Variants in DCC observed in about 807,000 individuals in gnomAD.
The protein encoded by DCC is DCC netrin 1 receptor, also known as netrin receptor DCC.
Under a neutral mutation model 172.5 loss-of-function variants are expected in DCC, and 58 were observed. The ratio of observed to expected loss-of-function variants is 0.34; its 90% confidence interval spans 0.27 to 0.42. The LOEUF is 0.42. DCC is among the 10% of genes least tolerant of loss of function. The pLI is 1.00. For missense variants in DCC, 1,740 were observed against 1,791.0 expected, an observed-to-expected ratio of 0.97 and a Z score of 0.51; for synonymous variants, 709 against 644.5, an observed-to-expected ratio of 1.10 and a Z score of -1.52.
At chr18:52,635,982 C>T (rs1336682755) in intron 1 of DCC, among the ~76,000 whole-genome samples, 1 of 152,196 alleles carries the variant, frequency 6.6e-6, no homozygotes, top group Non-Finnish European at 1.5e-5. Context: ...AAGTGGACTG[C>T]TCCTGCAGGA....
chr18:52,898,117 C>T (rs1053405859), intron 2 of DCC, among the ~76,000 whole-genome samples: 1 of 152,232 alleles, frequency 6.6e-6, no homozygotes, highest in Non-Finnish European at 1.5e-5. Flanking sequence ...AAAGCATTTA[C>T]AGCCGCTCTC....
chr18:53,169,888 T>A (rs1003864065), intron 8 of DCC, among the ~76,000 whole-genome samples: 1 of 152,180 alleles, frequency 6.6e-6, no homozygotes, highest in Admixed American at 6.5e-5. Flanking sequence ...TACTGCTTCA[T>A]GGAAAATTTA....
chr18:53,524,063 A>G (rs951524355), intron 27 of DCC, among the ~76,000 whole-genome samples: 1 of 152,092 alleles, frequency 6.6e-6, no homozygotes, highest in African/African-American at 2.4e-5. Flanking sequence ...CAAGAGATCC[A>G]TTGTATATTG....
intron 7 of DCC, among the ~76,000 whole-genome samples, chr18:53,075,661 T>C (rs1051799600): frequency 1.3e-5 from 2 of 152,142 alleles, no homozygotes; most frequent in Non-Finnish European, 2.9e-5. Flanking sequence ...ATCTTTCACC[T>C]GTATATCACC....
At chr18:52,830,595 T>C (rs2038596429) in intron 2 of DCC, among the ~76,000 whole-genome samples, 1 of 152,194 alleles carries the variant, frequency 6.6e-6, no homozygotes, top group Admixed American at 6.5e-5. Context: ...TACCTATTAC[T>C]AGACTATCTG....
At chr18:53,404,648 A>G (rs1289477886) in intron 19 of DCC, among the ~76,000 whole-genome samples, 2 of 152,004 alleles carry the variant, frequency 1.3e-5, no homozygotes, top group Non-Finnish European at 2.9e-5. Context: ...GGAGAATAGC[A>G]TGAACCCACG....
intron 1 of DCC, among the ~76,000 whole-genome samples, chr18:52,531,786 T>C (rs1227374126): frequency 2.0e-5 from 3 of 152,208 alleles, no homozygotes; most frequent in African/African-American, 7.2e-5. Context: ...TGTTACCTAT[T>C]GTCATTACTT....
intron 2 of DCC, among the ~76,000 whole-genome samples, chr18:52,786,249 C>T (rs186352491): frequency 1.3e-5 from 2 of 151,554 alleles, no homozygotes; most frequent in Non-Finnish European, 2.9e-5. Flanking sequence ...AGGATAATTG[C>T]TCAGAACTAG....
At chr18:52,705,939 G>T (rs903028416) in intron 1 of DCC, among the ~76,000 whole-genome samples, 2 of 152,184 alleles carry the variant, frequency 1.3e-5, no homozygotes, top group Non-Finnish European at 2.9e-5. Flanking sequence ...ATGTCTGTAT[G>T]TTCAAATTCA....
At chr18:53,092,126 A>T (rs1215095780) in intron 7 of DCC, among the ~76,000 whole-genome samples, 1 of 152,092 alleles carries the variant, frequency 6.6e-6, no homozygotes, top group African/African-American at 2.4e-5. Context: ...ACATAAATTG[A>T]CTTCTTAGGC....
intron 2 of DCC, among the ~76,000 whole-genome samples, chr18:52,897,727 C>T (rs956698983): frequency 3.9e-5 from 6 of 152,024 alleles, no homozygotes; most frequent in Admixed American, 6.6e-5. Context: ...GGGTGAACAT[C>T]GCTGGCACTT....
intron 2 of DCC, among the ~76,000 whole-genome samples, chr18:52,901,777 C>T (rs2039811831): frequency 6.6e-6 from 1 of 152,170 alleles, no homozygotes; most frequent in African/African-American, 2.4e-5. Flanking sequence ...CATTTAGAGT[C>T]ACATAGAACC....
rs1414839280 is a variant in DCC, at chr18:53,526,203, T to TA, written c.4112-412dup. On this transcript the variant is annotated intron_variant, in intron 27 of 28. Coordinates refer to ENST00000442544, the MANE Select transcript of DCC (RefSeq NM_005215.4). ...TGTAGACCAGAGCAACCATCTCTTC[T>TA]AACTCTGCAAATCTTCCTTGGTTCT... Among the ~76,000 whole-genome samples, 10 of 152,296 alleles carry TA rather than the reference T, an allele frequency of 6.6e-5. No homozygotes were observed. The South Asian group carries it at 2.1e-3, about 32-fold the overall frequency.
chr18:53,088,893 A>G (rs1354530379), intron 7 of DCC, among the ~76,000 whole-genome samples: 1 of 152,178 alleles, frequency 6.6e-6, no homozygotes, highest in African/African-American at 2.4e-5. Context: ...TTAGCCAGAA[A>G]CGAGCATTAA....
intron 12 of DCC, among the ~76,000 whole-genome samples, chr18:53,215,896 C>T (rs941122615): frequency 2.6e-5 from 4 of 152,140 alleles, no homozygotes; most frequent in African/African-American, 9.7e-5. Flanking sequence ...AAGACATCTG[C>T]TTCGTCTATA....
chr18:53,407,528 G>GATATAAATATATAT (rs1555666922), intron 19 of DCC, among the ~76,000 whole-genome samples: 21 of 117,438 alleles, frequency 1.8e-4, no homozygotes, highest in Admixed American at 4.5e-4. Flanking sequence ...TTTTATTCTG[G>GATATAAATATATAT]ATATATATAT....
At chr18:53,152,252 T>G (rs1364336085) in intron 7 of DCC, among the ~76,000 whole-genome samples, 1 of 152,184 alleles carries the variant, frequency 6.6e-6, no homozygotes, top group Non-Finnish European at 1.5e-5. Flanking sequence ...AATTAAACAT[T>G]TTTGTTGTTA....
At chr18:53,083,864 C>T (rs969338620) in intron 7 of DCC, among the ~76,000 whole-genome samples, 10 of 152,098 alleles carry the variant, frequency 6.6e-5, no homozygotes, top group African/African-American at 2.4e-4. Flanking sequence ...GTAGCAGAGA[C>T]ATGTGAATAT....
chr18:53,047,463 A>ATATATATAT (rs2042269092), intron 5 of DCC, among the ~76,000 whole-genome samples: 2 of 84,394 alleles, frequency 2.4e-5, no homozygotes, highest in African/African-American at 4.9e-5. Flanking sequence ...ATATATATAT[A>ATATATATAT]CCATTTTTGC....
Sources: gnomAD v4.1 joint callset for allele counts (sites outside exome capture counted in the v4.1 genomes callset) on GRCh38, gnomAD v4.1.1 for gene constraint, MANE v1.5 for transcripts, NCBI Gene and HGNC (gene_info 2026-07-23, HGNC 2026-07-21) for gene names.